The following NRG1 variants were observed in gnomAD, a reference collection of about 807,000 sequenced individuals.
The protein encoded by NRG1 is pro-neuregulin-1, membrane-bound isoform.
Under a neutral mutation model 63.8 loss-of-function variants are expected in NRG1, and 18 were observed. The ratio of observed to expected loss-of-function variants is 0.28; its 90% confidence interval spans 0.19 to 0.42. The LOEUF is 0.42. Ranked by LOEUF, NRG1 falls within the 10% of genes least tolerant of loss-of-function variation. The probability of loss-of-function intolerance (pLI) is 1.00; values close to 1 mark genes in which losing one functional copy is unlikely to be tolerated. For synonymous variants in NRG1, 302 were observed against 301.3 expected (o/e 1.00, Z -0.02); for missense variants, 762 against 814.7 (o/e 0.94, Z 0.79).
intron 1 of NRG1, among the ~76,000 whole-genome samples, chr8:32,262,347 G>T (rs1002807872): frequency 3.3e-5 from 5 of 152,104 alleles, no homozygotes; most frequent in African/African-American, 9.7e-5. Context: ...TACAGAAGAA[G>T]TCCAACTTAT....
intron 1 of NRG1, among the ~76,000 whole-genome samples, chr8:32,046,970 T>A (rs1317180619): frequency 6.6e-6 from 1 of 152,112 alleles, no homozygotes; most frequent in Non-Finnish European, 1.5e-5. Flanking sequence ...TGACTATTGC[T>A]TTTAGATTAT....
chr8:32,627,450 G>A (rs2129543550), intron 5 of NRG1, among the ~76,000 whole-genome samples: 1 of 152,232 alleles, frequency 6.6e-6, no homozygotes, highest in South Asian at 2.1e-4. Context: ...AGGCCATCTG[G>A]AAATGTGTGT....
chr8:32,219,980 C>G (rs1437701442), intron 1 of NRG1, among the ~76,000 whole-genome samples: 1 of 152,036 alleles, frequency 6.6e-6, no homozygotes, highest in Admixed American at 6.5e-5. Flanking sequence ...GAGACACACC[C>G]CCGGCTGTCA....
intron 1 of NRG1, among the ~76,000 whole-genome samples, chr8:32,353,979 A>C (rs557317644): frequency 1.3e-5 from 2 of 152,204 alleles, no homozygotes; most frequent in Non-Finnish European, 1.5e-5. Context: ...AGATAGTGGA[A>C]TACTACTCAG....
chr8:32,153,424 G>A (rs79151942), intron 1 of NRG1, among the ~76,000 whole-genome samples: 7 of 152,140 alleles, frequency 4.6e-5, no homozygotes, highest in Non-Finnish European at 8.8e-5. Flanking sequence ...TCCCCTTGAG[G>A]AAGAATGAGG....
At chr8:32,610,176 A>T (rs1846122489) in intron 3 of NRG1, among the ~76,000 whole-genome samples, 1 of 152,164 alleles carries the variant, frequency 6.6e-6, no homozygotes, top group Non-Finnish European at 1.5e-5. Flanking sequence ...GAGAATTTCT[A>T]TACAGGTTTC....
intron 1 of NRG1, among the ~76,000 whole-genome samples, chr8:32,563,746 T>A (rs1389098130): frequency 2.0e-5 from 3 of 152,200 alleles, no homozygotes; most frequent in African/African-American, 7.2e-5. Context: ...CTATAGCTGA[T>A]ACTTCCATTT....
At chr8:31,770,770 CAT>C (rs4036035) in intron 1 of NRG1, among the ~76,000 whole-genome samples, 13,071 of 140,208 alleles carry the variant, frequency 0.093, 740 homozygotes, top group African/African-American at 0.18. Flanking sequence ...GTATAATAAA[CAT>C]ATATATATAT....
chr8:32,513,205 G>A lies in NRG1; in HGVS notation c.38-82623G>A, dbSNP rs948874398. On this transcript the variant is annotated intron_variant, in intron 1 of 10. Coordinates refer to the NRG1 transcript ENST00000519301. ...TGTGTGTGTGTGTATGCGTGTGTGC[G>A]TGTGTGTGTGTGTGTGTGTATAAAA... 2.3e-4 allele frequency among the ~76,000 whole-genome samples: 16 copies of A among 69,800 alleles called. 1 individual carries two copies. Among genetic ancestry groups the A allele is most frequent in the South Asian group, 1.1e-3 (3 of 2,652 alleles). The allele number at this position is 69,800 out of a possible 152,430, so 45.8% of individuals were successfully genotyped here. A position where few individuals can be genotyped will look rare whatever the true frequency, so the allele number is the denominator to read the frequency against.
chr8:32,215,463 G>C (rs1040730461), intron 1 of NRG1, among the ~76,000 whole-genome samples: 1 of 152,178 alleles, frequency 6.6e-6, no homozygotes, highest in East Asian at 1.9e-4. Context: ...AGCATTTGCT[G>C]TGTGCCAGCC....
At chr8:32,637,230 C>T (rs1380552748) in intron 5 of NRG1, among the ~76,000 whole-genome samples, 4 of 152,056 alleles carry the variant, frequency 2.6e-5, no homozygotes, top group Non-Finnish European at 5.9e-5. Context: ...ATTTATCTAT[C>T]AACTTTTTAT....
intron 1 of NRG1, among the ~76,000 whole-genome samples, chr8:31,772,945 A>G (rs763663477): frequency 6.6e-6 from 1 of 152,218 alleles, no homozygotes; most frequent in Non-Finnish European, 1.5e-5. Flanking sequence ...AGGTAGTACC[A>G]ATAGCACTTG....
At chr8:31,691,360 C>A (rs994283557) in intron 1 of NRG1, among the ~76,000 whole-genome samples, 1 of 152,100 alleles carries the variant, frequency 6.6e-6, no homozygotes, top group Non-Finnish European at 1.5e-5. Flanking sequence ...GTAATCCCAG[C>A]ACTTTGGGAG....
intron 6 of NRG1, among the ~76,000 whole-genome samples, chr8:32,732,799 CTTTTTTTTTTTTT>C (rs1173388613): frequency 1.2e-5 from 1 of 83,344 alleles, no homozygotes; most frequent in Non-Finnish European, 2.2e-5. Flanking sequence ...TGTTTAATTT[CTTTTTTTTTTTTT>C]TTTTTTTTTT....
chr8:31,750,750 T>C (rs1026547986), intron 1 of NRG1, among the ~76,000 whole-genome samples: 2 of 151,958 alleles, frequency 1.3e-5, no homozygotes, highest in Admixed American at 6.6e-5. Flanking sequence ...CATTGCCTAA[T>C]ATTGGGAGTC....
At chr8:32,494,403 T>C (rs1436586053) in intron 1 of NRG1, among the ~76,000 whole-genome samples, 1 of 152,198 alleles carries the variant, frequency 6.6e-6, no homozygotes, top group African/African-American at 2.4e-5. Context: ...ATAATGTGAT[T>C]ATACTACTTT....
intron 1 of NRG1, among the ~76,000 whole-genome samples, chr8:32,458,651 T>G (rs1821917712): frequency 6.6e-6 from 1 of 152,190 alleles, no homozygotes; most frequent in Non-Finnish European, 1.5e-5. Flanking sequence ...TTATTGCAGG[T>G]GAAGTCATTT....
chr8:32,619,973 T>C (rs1848050830), intron 5 of NRG1, among the ~76,000 whole-genome samples: 1 of 152,166 alleles, frequency 6.6e-6, no homozygotes, highest in South Asian at 2.1e-4. Context: ...GAAAATAGCA[T>C]GAAGCACACA....
chr8:32,413,527 C>T (rs1437031416), intron 1 of NRG1, among the ~76,000 whole-genome samples: 3 of 152,128 alleles, frequency 2.0e-5, no homozygotes, highest in Non-Finnish European at 4.4e-5. Context: ...AAAGGCCGGG[C>T]GCAGTGGCTC....
Sources: gnomAD v4.1 joint callset for allele counts (sites outside exome capture counted in the v4.1 genomes callset) on GRCh38, gnomAD v4.1.1 for gene constraint, MANE v1.5 for transcripts, NCBI Gene and HGNC (gene_info 2026-07-23, HGNC 2026-07-21) for gene names.